The following GNAI2 variants were observed in gnomAD, a reference collection of about 807,000 sequenced individuals.
GNAI2 encodes the protein G protein subunit alpha i2, also known as guanine nucleotide-binding protein G(i) subunit alpha-2.
Under a neutral mutation model 36.8 loss-of-function variants are expected in GNAI2, and 4 were observed. The ratio of observed to expected loss-of-function variants is 0.11; its 90% confidence interval spans 0.05 to 0.25. GNAI2 has a LOEUF of 0.25. Among genes scored for constraint, GNAI2 ranks in the 10% least tolerant of loss-of-function variants. GNAI2 has a pLI of 1.00. For missense variants in GNAI2, 230 were observed against 481.3 expected, an observed-to-expected ratio of 0.48 and a Z score of 4.89; for synonymous variants, 194 against 194.1, an observed-to-expected ratio of 1.00 and a Z score of 0.01.
At chr3:50,244,987 T>C (rs966769999) in intron 1 of GNAI2, among the ~76,000 whole-genome samples, 1 of 150,974 alleles carries the variant, frequency 6.6e-6, no homozygotes, top group Admixed American at 6.7e-5. Flanking sequence ...CTAGAATCTG[T>C]GATGCTGTGA....
At chr3:50,227,759 T>C (rs1700003054), upstream of GNAI2, among the ~76,000 whole-genome samples, 1 of 152,030 alleles carries the variant, frequency 6.6e-6, no homozygotes, top group Admixed American at 6.5e-5. The surrounding 1 kb of genome is among the most constrained non-coding windows in gnomAD (Gnocchi z 5.9). Context: ...GGGGCTGCGG[T>C]GGGCAGGGCC....
chr3:50,247,400 A>T (rs1230488228), intron 1 of GNAI2, among the ~76,000 whole-genome samples: 5 of 152,222 alleles, frequency 3.3e-5, no homozygotes, highest in Admixed American at 2.6e-4. Flanking sequence ...GGGAAACTGA[A>T]GCCAGAAAGG....
intron 1 of GNAI2, among the ~76,000 whole-genome samples, chr3:50,248,205 A>T (rs1367328928): frequency 6.6e-6 from 1 of 152,126 alleles, no homozygotes; most frequent in Non-Finnish European, 1.5e-5. Context: ...GTGAGCCAAG[A>T]TCATGCTATT....
rs1700174126 is a variant in GNAI2, at chr3:50,236,509, G to A, written c.118+56G>A. ...ATTCCCAGCTCGAATCCCCAGACAA[G>A]GACTTTGACCTCCCAGACTAGGGCT... On this transcript the variant is annotated intron_variant, in intron 1 of 8. Coordinates refer to ENST00000313601, the MANE Select transcript of GNAI2 (RefSeq NM_002070.4). This position sits in a 1 kb window ranked among gnomAD's most constrained non-coding sequence, Gnocchi z 4.0. 4.5e-6 allele frequency: 7 copies of A among 1,549,446 alleles called. No individual in the cohort carries two copies. The South Asian group carries it at 8.5e-5, about 19-fold the overall frequency.
rs1313208851 is a variant in GNAI2 at position 50,247,016 on chromosome 3, A to G, written c.119-5084A>G. 6 of 1,233,662 alleles carry G rather than the reference A, an allele frequency of 4.9e-6. No homozygotes were observed. In the African/African-American group the frequency reaches 8.9e-5, roughly 18 times the overall value. The allele number at this position is 1,233,662 out of a possible 1,614,324, so 76.4% of individuals were successfully genotyped here. Reference sequence around the variant, plus strand: ...TGCTCTTTATCTGAAAATCTTCAGAAGCTTTCCTTCAAATGAGATGACCAC... The same window carrying G: ...TGCTCTTTATCTGAAAATCTTCAGAGGCTTTCCTTCAAATGAGATGACCAC... On this transcript the variant is annotated intron_variant, in intron 1 of 8. Transcript: ENST00000313601.
At chr3:50,248,943 C>G (rs1313529685) in intron 1 of GNAI2, among the ~76,000 whole-genome samples, 2 of 152,048 alleles carry the variant, frequency 1.3e-5, no homozygotes, top group Admixed American at 6.5e-5. Context: ...AAATCAGATG[C>G]AAAGCAAGTT....
chr3:50,236,270 G>A lies in GNAI2; in HGVS notation c.-66G>A. The A allele has an allele frequency of 8.1e-7, 1 of 1,229,508 alleles. No homozygotes were observed. Among genetic ancestry groups the A allele is most frequent in the Non-Finnish European group, 1.0e-6 (1 of 985,396 alleles). 76.2% of individuals were successfully genotyped at this position (1,229,508 alleles called of 1,614,324 possible). A position where few individuals can be genotyped will look rare whatever the true frequency, so the allele number is the denominator to read the frequency against. On this transcript the variant is annotated 5_prime_UTR_variant, in exon 1 of 9. Transcript: ENST00000313601. The surrounding 1 kb of genome is among the most constrained non-coding windows in gnomAD (Gnocchi z 4.0). ...CTGGTGGTGGGAGCGGAGTGGGTCG[G>A]GCGGGGCCGAGCCGGGCCGTGGGCC...
upstream of GNAI2, chr3:50,236,029 C>T (rs1302406868): frequency 3.8e-6 from 1 of 262,486 alleles, no homozygotes; most frequent in African/African-American, 2.3e-5. This position sits in a 1 kb window ranked among gnomAD's most constrained non-coding sequence, Gnocchi z 4.0. Flanking sequence ...AGGCCCGAGC[C>T]TGGGCTGCGC....
intron 1 of GNAI2, chr3:50,239,639 C>T (rs781795947): frequency 2.6e-5 from 4 of 152,256 alleles, no homozygotes; most frequent in Non-Finnish European, 5.9e-5. Flanking sequence ...AGGCCCACCA[C>T]AGGATTGGTG....
intron 1 of GNAI2, among the ~76,000 whole-genome samples, chr3:50,237,616 T>G (rs1278120298): frequency 1.3e-5 from 2 of 150,474 alleles, no homozygotes; most frequent in African/African-American, 4.9e-5. Flanking sequence ...GAATGAGGAG[T>G]TGAGGGGCCA....
upstream of GNAI2, among the ~76,000 whole-genome samples, chr3:50,231,795 G>A (rs587656913): frequency 1.5e-4 from 23 of 152,304 alleles, no homozygotes; most frequent in African/African-American, 5.5e-4. Flanking sequence ...GGAAGATCGA[G>A]GGATGGAGAG....
chr3:50,229,547 A>C (rs1287171088), upstream of GNAI2: 2 of 152,334 alleles, frequency 1.3e-5, no homozygotes, highest in Non-Finnish European at 2.9e-5. Flanking sequence ...TTGTTCCTCC[A>C]TGATGCCTCA....
chr3:50,243,661 C>G (rs184895304), intron 1 of GNAI2, among the ~76,000 whole-genome samples: 2 of 152,356 alleles, frequency 1.3e-5, no homozygotes, highest in Admixed American at 1.3e-4. Flanking sequence ...ATATTTAATC[C>G]TGTGAGGCTG....
In GNAI2 at chr3:50,252,451, T is replaced by C; in HGVS notation, c.216T>C (p.Val72=). The change falls in exon 3 of 9, where the codon GTT becomes GTC. Residue 72 remains valine (V), a synonymous_variant. Transcript: ENST00000313601. The surrounding 1 kb of genome is among the most constrained non-coding windows in gnomAD (Gnocchi z 4.1). The part of the protein sequence containing the change: ...SEEECRQYRA[V]VYSNTIQSIM... The stretch of plus-strand genomic sequence containing the variant: ...AGGAATGCCGGCAGTACCGGGCGGT[T>C]GTCTACAGCAACACCATCCAGTCCA... The C allele has an allele frequency of 6.2e-7, 1 of 1,613,658 alleles. No individual in the cohort carries two copies. Among genetic ancestry groups the C allele is most frequent in the Non-Finnish European group, 8.5e-7 (1 of 1,179,840 alleles).
chr3:50,244,321 GC>G (rs1379003607), intron 1 of GNAI2, among the ~76,000 whole-genome samples: 1 of 152,148 alleles, frequency 6.6e-6, no homozygotes, highest in African/African-American at 2.4e-5. Flanking sequence ...GAGCCACTGC[GC>G]CCGGCTGCAG....
rs1553702763 is a variant in GNAI2, at chr3:50,253,077, G to C, written c.357G>C (p.Val119=). 1.2e-6 allele frequency: 2 copies of C among 1,612,468 alleles called. No individual in the cohort carries two copies. The highest frequency in any genetic ancestry group is 8.5e-7 in the Non-Finnish European group (1 of 1,179,052). Residue 119 remains valine, a synonymous_variant, in exon 4 of 9, where the codon GTG becomes GTC. Coordinates refer to ENST00000313601, the MANE Select transcript of GNAI2 (RefSeq NM_002070.4). This position sits in a 1 kb window ranked among gnomAD's most constrained non-coding sequence, Gnocchi z 4.2. ...CCTGCACCGCCGAGGAGCAAGGCGT[G>C]CTCCCTGATGACCTGTCCGGCGTCA... The part of the protein sequence containing the change: ...ALSCTAEEQG[V]LPDDLSGVIR...
upstream of GNAI2, among the ~76,000 whole-genome samples, chr3:50,228,295 T>C (rs999435855): frequency 6.6e-6 from 1 of 152,172 alleles, no homozygotes; most frequent in African/African-American, 2.4e-5. Flanking sequence ...CTCACGCCTG[T>C]AATCCTAGCA....
Position 50,236,421 on chromosome 3 carries a change from A to G in GNAI2, c.86A>G (p.Lys29Arg), listed in dbSNP as rs1553700394. ...IDKNLREDGE[K>R]AAREVKLLLL... is the part of the protein sequence containing the mutation. ...AAGAACCTGCGGGAGGACGGAGAGA[A>G]GGCGGCGCGGGAGGTGAAGTTGCTG... is the stretch of plus-strand genomic sequence containing the variant. Residue 29 changes from lysine (K) to arginine (R), a missense_variant, in exon 1 of 9, where the codon AAG becomes AGG. Lys to Arg is a conservative substitution (Grantham distance 26). Transcript: ENST00000313601. This position sits in a 1 kb window ranked among gnomAD's most constrained non-coding sequence, Gnocchi z 4.0. The G allele has an allele frequency of 1.9e-6, 3 of 1,579,220 alleles. No individual in the cohort carries two copies. The highest frequency in any genetic ancestry group is 2.6e-6 in the Non-Finnish European group (3 of 1,165,826).
At chr3:50,247,014 G>GAT in intron 1 of GNAI2, 1 of 1,257,638 alleles carries the variant, frequency 8.0e-7, no homozygotes, top group Non-Finnish European at 1.1e-6. Context: ...AAAATCTTCA[G>GAT]AAGCTTTCCT....
Sources: gnomAD v4.1 joint callset for allele counts (sites outside exome capture counted in the v4.1 genomes callset) on GRCh38, gnomAD v4.1.1 for gene constraint, Gnocchi (gnomAD v3.1) non-coding constraint, MANE v1.5 for transcripts, NCBI Gene and HGNC (gene_info 2026-07-23, HGNC 2026-07-21) for gene names.